Variants in SLC22A23 observed in about 807,000 individuals in gnomAD.
SLC22A23 encodes ion transporter protein.
Under a neutral mutation model 61.0 loss-of-function variants are expected in SLC22A23, and 26 were observed. The observed-to-expected ratio is 0.43, with a 90% CI of 0.31 to 0.59. The LOEUF (loss-of-function observed/expected upper bound fraction) is 0.59. Among genes scored for constraint, SLC22A23 ranks in the 20% least tolerant of loss-of-function variants. SLC22A23 has a pLI of 0.11. For synonymous variants in SLC22A23, 430 were observed against 413.9 expected (o/e 1.04, Z -0.47); for missense variants, 796 against 934.7 (o/e 0.85, Z 1.94).
intron 3 of SLC22A23, among the ~76,000 whole-genome samples, chr6:3,373,981 A>T (rs1396116911): frequency 6.6e-6 from 1 of 152,206 alleles, no homozygotes; most frequent in African/African-American, 2.4e-5. Flanking sequence ...CTCCATCTTT[A>T]CAGATGAGGA....
At chr6:3,408,853 A>C (rs1164896305) in intron 3 of SLC22A23, among the ~76,000 whole-genome samples, 3 of 152,206 alleles carry the variant, frequency 2.0e-5, no homozygotes, top group African/African-American at 7.2e-5. Flanking sequence ...TGAGAATGGA[A>C]GCCTGACAAG....
At chr6:3,383,408 T>C (rs1190294211) in intron 3 of SLC22A23, among the ~76,000 whole-genome samples, 1 of 152,198 alleles carries the variant, frequency 6.6e-6, no homozygotes, top group African/African-American at 2.4e-5. Flanking sequence ...GGGTAGTGAG[T>C]ACATGAACGT....
intron 9 of SLC22A23, chr6:3,282,457 G>T: frequency 1.7e-6 from 1 of 605,282 alleles, no homozygotes; most frequent in South Asian, 1.9e-5. Flanking sequence ...AAGTGTGGAC[G>T]TGAAGATGCT....
At position 3,283,864 on chromosome 6, in the gene SLC22A23, G is replaced by A. The variant is rs747226545; in HGVS notation, c.1691C>T (p.Pro564Leu). 3.1e-6 allele frequency: 5 copies of A among 1,613,762 alleles called. No individual in the cohort carries two copies. Among genetic ancestry groups the A allele is most frequent in the African/African-American group, 1.3e-5 (1 of 75,050 alleles). Residue 564 changes from proline (P) to leucine (L), a missense_variant, in exon 9 of 10, where the codon CCG becomes CTG. By Grantham distance (98) the Pro-to-Leu change is moderately conservative. Coordinates refer to ENST00000406686, the MANE Select transcript of SLC22A23 (RefSeq NM_015482.2). ...LSVFFCAEIT[P>L]TVIRCGGLGL... is the part of the protein sequence containing the mutation. ...TCCCATGACGCACCTTATCACCGTCGGGGTGATCTCCGCACAGAAGAACAC... is the reference window on the plus strand; with the variant it reads ...TCCCATGACGCACCTTATCACCGTCAGGGTGATCTCCGCACAGAAGAACAC...
intron 1 of SLC22A23, among the ~76,000 whole-genome samples, chr6:3,449,067 C>T (rs1026811158): frequency 6.6e-6 from 1 of 152,228 alleles, no homozygotes; most frequent in Non-Finnish European, 1.5e-5. Flanking sequence ...CACTGCCAAA[C>T]TAAATGTTTA....
intron 3 of SLC22A23, among the ~76,000 whole-genome samples, chr6:3,365,092 G>T (rs935357604): frequency 3.3e-5 from 5 of 152,218 alleles, no homozygotes; most frequent in African/African-American, 1.2e-4. Context: ...GCCAAGGCAG[G>T]CAGATTACCT....
intron 1 of SLC22A23, among the ~76,000 whole-genome samples, chr6:3,430,896 G>A (rs191083440): frequency 1.2e-4 from 18 of 152,020 alleles, no homozygotes; most frequent in East Asian, 1.9e-4. Context: ...GAGAAACCCC[G>A]TCTCTACTAA....
At chr6:3,447,742 C>T (rs1771971605) in intron 1 of SLC22A23, among the ~76,000 whole-genome samples, 1 of 151,310 alleles carries the variant, frequency 6.6e-6, no homozygotes, top group African/African-American at 2.4e-5. Context: ...GTGCCCGCCA[C>T]CACACCTGGA....
In SLC22A23 at chr6:3,363,593, C is replaced by T. The variant is rs116345086; in HGVS notation, c.914-39591G>A. 8.3e-3 allele frequency among the ~76,000 whole-genome samples: 1,261 copies of T among 152,384 alleles called. 14 individuals carry two copies. Among genetic ancestry groups the T allele is most frequent in the African/African-American group, 0.028 (1,178 of 41,606 alleles). ...GCCCAGTGTGGGCACCTGGCAGTCA[C>T]GCCCAAACTAGGATGTGGCACCTTC... On this transcript the variant is annotated intron_variant, in intron 3 of 9. Transcript: ENST00000406686.
At chr6:3,279,286 G>A (rs1305510778) in intron 9 of SLC22A23, among the ~76,000 whole-genome samples, 1 of 151,718 alleles carries the variant, frequency 6.6e-6, no homozygotes, top group Admixed American at 6.6e-5. Context: ...GCCGAGATGG[G>A]CAGATCACGA....
intron 9 of SLC22A23, among the ~76,000 whole-genome samples, chr6:3,273,678 G>GT (rs775381048): frequency 6.6e-6 from 1 of 152,138 alleles, no homozygotes; most frequent in Non-Finnish European, 1.5e-5. Flanking sequence ...TATTTTTATT[G>GT]TTTTTTCAGG....
chr6:3,287,856 G>C (rs1023299319), intron 6 of SLC22A23, among the ~76,000 whole-genome samples: 10 of 152,030 alleles, frequency 6.6e-5, no homozygotes, highest in African/African-American at 2.4e-4. Context: ...GCTAATTTTT[G>C]TATTTTTTGG....
At position 3,291,549 on chromosome 6, in the gene SLC22A23, G is replaced by GC. The variant is rs1163041312; in HGVS notation, c.1211-1684dup. The GC allele has an allele frequency of 2.6e-5, 4 of 152,316 alleles. No homozygotes were observed. The East Asian group carries it at 7.7e-4, about 29-fold the overall frequency. 9.4% of individuals were successfully genotyped at this position (152,316 alleles called of 1,614,324 possible). On this transcript the variant is annotated intron_variant, in intron 5 of 9. Transcript: ENST00000406686. ...TGCAAAGATTGAGGTCTGTGTGTAA[G>GC]CCCACAGGGCCGGCGTTTCAGCTGC...
At position 3,304,112 on chromosome 6, in the gene SLC22A23, G is replaced by A. The variant is rs893969817; in HGVS notation, c.1083-5894C>T. ...GTTCCCCTTTCTTATCTGGGCCCAC[G>A]GAGCCCTTGCCCTTCAGGAGAAAAG... On this transcript the variant is annotated intron_variant, in intron 4 of 9. Transcript: ENST00000406686. The surrounding 1 kb of genome is among the most constrained non-coding windows in gnomAD (Gnocchi z 4.3). Among the ~76,000 whole-genome samples, 2 of 152,158 alleles carry A rather than the reference G, an allele frequency of 1.3e-5. No individual in the cohort carries two copies. The highest frequency in any genetic ancestry group is 4.8e-5 in the African/African-American group (2 of 41,440).
In SLC22A23 at chr6:3,286,989, C is replaced by T. The variant is rs749492480; in HGVS notation, c.1416G>A (p.Thr472=). 5.6e-6 allele frequency: 9 copies of T among 1,614,012 alleles called. No individual in the cohort carries two copies. Among genetic ancestry groups the T allele is most frequent in the South Asian group, 2.2e-5 (2 of 91,088 alleles). ...GGCAGGACACCAGCGCGATGCTGGC[C>T]GTGGTATAGTAGTCAGCATAGAAGT... ...LENFYADYYT[T]ASIALVSCLA... Residue 472 remains threonine, a synonymous_variant, in exon 7 of 10, where the codon ACG becomes ACA. Coordinates refer to ENST00000406686, the MANE Select transcript of SLC22A23 (RefSeq NM_015482.2). The surrounding 1 kb of genome is among the most constrained non-coding windows in gnomAD (Gnocchi z 4.2).
rs1759969567 is a variant in SLC22A23 at position 3,286,062 on chromosome 6, G to A, written c.1546+797C>T. On this transcript the variant is annotated intron_variant, in intron 7 of 9. Coordinates refer to ENST00000406686, the MANE Select transcript of SLC22A23 (RefSeq NM_015482.2). This position sits in a 1 kb window ranked among gnomAD's most constrained non-coding sequence, Gnocchi z 4.2. ...GTTGGTGAGGAGCTATACAGAGCTT[G>A]CTGGAAGGGCCAGATGGACTCTCTA... 6.6e-6 allele frequency among the ~76,000 whole-genome samples: 1 copy of A among 151,728 alleles called. No individual in the cohort carries two copies. Among genetic ancestry groups the A allele is most frequent in the Non-Finnish European group, 1.5e-5 (1 of 67,986 alleles).
At chr6:3,420,924 G>C (rs1770085412) in intron 1 of SLC22A23, among the ~76,000 whole-genome samples, 1 of 151,980 alleles carries the variant, frequency 6.6e-6, no homozygotes, top group African/African-American at 2.4e-5. Flanking sequence ...GGCCAATATG[G>C]TGAAATCCTG....
chr6:3,280,490 CTTTT>C (rs1163139930), intron 9 of SLC22A23, among the ~76,000 whole-genome samples: 6 of 57,286 alleles, frequency 1.0e-4, no homozygotes, highest in Admixed American at 2.4e-4. Flanking sequence ...TAAGACACAA[CTTTT>C]TTTTTTTTTT....
chr6:3,346,969 GACATAT>G (rs1407265406), intron 3 of SLC22A23, among the ~76,000 whole-genome samples: 3 of 152,096 alleles, frequency 2.0e-5, no homozygotes, highest in African/African-American at 7.2e-5. Context: ...TGAAAATACA[GACATAT>G]GTATTAAGGG....
Sources: gnomAD v4.1 joint callset for allele counts (sites outside exome capture counted in the v4.1 genomes callset) on GRCh38, gnomAD v4.1.1 for gene constraint, Gnocchi (gnomAD v3.1) non-coding constraint, MANE v1.5 for transcripts, NCBI Gene and HGNC (gene_info 2026-07-23, HGNC 2026-07-21) for gene names.